Variants in DNER observed in about 807,000 individuals in gnomAD.
The protein encoded by DNER is delta and Notch-like epidermal growth factor-related receptor.
Under a neutral mutation model 78.2 loss-of-function variants are expected in DNER, and 33 were observed. That is an observed-to-expected ratio of 0.42 (90% CI 0.32 to 0.56). The LOEUF (loss-of-function observed/expected upper bound fraction) is 0.56, where lower values mean the gene tolerates loss of function less well. DNER is among the 20% of genes least tolerant of loss of function. The pLI is 0.11. For synonymous variants in DNER, 417 were observed against 384.8 expected, an observed-to-expected ratio of 1.08 and a Z score of -0.98; for missense variants, 918 against 975.3, an observed-to-expected ratio of 0.94 and a Z score of 0.78.
At position 229,447,485 on chromosome 2, in the gene DNER, G is replaced by A. The variant is rs752425702; in HGVS notation, c.1317C>T (p.Cys439=). ...EKVDPCASSP[C]QNNGTCYVDG... ...CCACATAGCAGGTGCCGTTGTTCTGGCACGGAGACGAGGCGCAGGGGTCCA... is the reference window on the plus strand; with the variant it reads ...CCACATAGCAGGTGCCGTTGTTCTGACACGGAGACGAGGCGCAGGGGTCCA... Residue 439 remains cysteine (C), a synonymous_variant, in exon 8 of 13, where the codon TGC becomes TGT. Transcript: ENST00000341772. 1 of 1,614,182 alleles carries A rather than the reference G, an allele frequency of 6.2e-7. No homozygotes were observed. The highest frequency in any genetic ancestry group is 8.5e-7 in the Non-Finnish European group (1 of 1,180,026).
At chr2:229,676,852 G>A (rs1699308595) in intron 1 of DNER, among the ~76,000 whole-genome samples, 2 of 152,104 alleles carry the variant, frequency 1.3e-5, no homozygotes, top group Non-Finnish European at 2.9e-5. Flanking sequence ...CCCAGTGTAG[G>A]GTTTGGATAC....
chr2:229,402,004 T>G (rs1349499788), intron 10 of DNER, among the ~76,000 whole-genome samples: 1 of 152,102 alleles, frequency 6.6e-6, no homozygotes, highest in Admixed American at 6.5e-5. Flanking sequence ...AAACAAAAAT[T>G]AACTCAAAAC....
intron 1 of DNER, among the ~76,000 whole-genome samples, chr2:229,617,076 A>C (rs565748250): frequency 6.6e-6 from 1 of 152,382 alleles, no homozygotes; most frequent in South Asian, 2.1e-4. Flanking sequence ...AAATGAATTC[A>C]ATAAATAGGA....
chr2:229,629,056 G>A (rs1018307137), intron 1 of DNER, among the ~76,000 whole-genome samples: 5 of 152,208 alleles, frequency 3.3e-5, no homozygotes, highest in African/African-American at 1.2e-4. Flanking sequence ...ATGGGACAGT[G>A]TTTTGCCTGG....
At chr2:229,476,246 G>C (rs1483252842) in intron 7 of DNER, among the ~76,000 whole-genome samples, 1 of 152,062 alleles carries the variant, frequency 6.6e-6, no homozygotes, top group Non-Finnish European at 1.5e-5. Context: ...CGAAATATTC[G>C]ATTATGAGGT....
intron 11 of DNER, among the ~76,000 whole-genome samples, chr2:229,384,978 G>C (rs559618097): frequency 1.3e-5 from 2 of 151,700 alleles, no homozygotes; most frequent in East Asian, 3.9e-4. Flanking sequence ...TTCAGGCCAA[G>C]ATCCCTGATA....
chr2:229,697,287 C>G (rs576366146), intron 1 of DNER, among the ~76,000 whole-genome samples: 3 of 152,110 alleles, frequency 2.0e-5, no homozygotes, highest in African/African-American at 7.2e-5. Flanking sequence ...TATGAAATAT[C>G]GAGAATAAGT....
intron 4 of DNER, among the ~76,000 whole-genome samples, chr2:229,559,633 A>G (rs1696919162): frequency 6.6e-6 from 1 of 152,118 alleles, no homozygotes; most frequent in Non-Finnish European, 1.5e-5. Context: ...AAGACAGAAG[A>G]AAGGGAAGGA....
chr2:229,468,046 G>GAA (rs1694840847), intron 7 of DNER, among the ~76,000 whole-genome samples: 1 of 152,160 alleles, frequency 6.6e-6, no homozygotes, highest in African/African-American at 2.4e-5. Flanking sequence ...TCAGTCCAGA[G>GAA]GTACCCAGGA....
chr2:229,705,119 G>T (rs953439803), intron 1 of DNER, among the ~76,000 whole-genome samples: 1 of 152,164 alleles, frequency 6.6e-6, no homozygotes, highest in Admixed American at 6.5e-5. Flanking sequence ...CATTGCTACA[G>T]ACTCTTCGCT....
At chr2:229,494,451 C>T (rs1435215644) in intron 6 of DNER, among the ~76,000 whole-genome samples, 12 of 152,298 alleles carry the variant, frequency 7.9e-5, no homozygotes, top group Non-Finnish European at 1.6e-4. Flanking sequence ...GGTGGCAAGT[C>T]CCAAGCAAGT....
chr2:229,375,071 AC>A (rs1692568429), intron 11 of DNER, among the ~76,000 whole-genome samples: 1 of 152,188 alleles, frequency 6.6e-6, no homozygotes, highest in Non-Finnish European at 1.5e-5. Context: ...AATAACAACT[AC>A]CTATCTGTAT....
intron 4 of DNER, among the ~76,000 whole-genome samples, chr2:229,561,008 C>A (rs530047287): frequency 6.6e-6 from 1 of 152,238 alleles, no homozygotes; most frequent in Non-Finnish European, 1.5e-5. Flanking sequence ...GTATTCTCAC[C>A]TTTTGTAAAA....
At chr2:229,482,489 A>G (rs1695183494) in intron 6 of DNER, among the ~76,000 whole-genome samples, 1 of 152,104 alleles carries the variant, frequency 6.6e-6, no homozygotes, top group South Asian at 2.1e-4. Context: ...CTGCACCCTC[A>G]TCTTGGCCCA....
intron 6 of DNER, among the ~76,000 whole-genome samples, chr2:229,503,415 T>A (rs1283622961): frequency 6.6e-6 from 1 of 151,944 alleles, no homozygotes; most frequent in East Asian, 1.9e-4. Context: ...TGAGTAAAAA[T>A]AAATGACAAA....
At chr2:229,699,402 G>A (rs1166584274) in intron 1 of DNER, among the ~76,000 whole-genome samples, 2 of 152,108 alleles carry the variant, frequency 1.3e-5, no homozygotes, top group African/African-American at 4.8e-5. Context: ...CTCTTGCTCT[G>A]CCGCCTAGGC....
At chr2:229,563,453 TTCA>T (rs1275906835) in intron 4 of DNER, among the ~76,000 whole-genome samples, 4 of 58,918 alleles carry the variant, frequency 6.8e-5, no homozygotes, top group African/African-American at 1.4e-4. Context: ...CATCATCATC[TTCA>T]TCATCACCCC....
intron 1 of DNER, among the ~76,000 whole-genome samples, chr2:229,614,084 G>A (rs540085067): frequency 3.3e-5 from 5 of 151,540 alleles, no homozygotes; most frequent in Admixed American, 1.3e-4. Context: ...GCTAAATGAC[G>A]AGTTAATGGG....
intron 1 of DNER, among the ~76,000 whole-genome samples, chr2:229,619,156 C>T (rs1215531601): frequency 6.9e-6 from 1 of 145,360 alleles, no homozygotes; most frequent in East Asian, 1.9e-4. Flanking sequence ...TTTATACACA[C>T]ACACACACAC....
Sources: allele counts gnomAD v4.1 joint callset (sites outside exome capture counted in the v4.1 genomes callset), GRCh38; gene constraint gnomAD v4.1.1; transcripts MANE v1.5; gene names NCBI Gene and HGNC (gene_info 2026-07-23, HGNC 2026-07-21).